The following EFCAB13 variants were observed in gnomAD, a reference collection of about 807,000 sequenced individuals.
EFCAB13 encodes the protein EF-hand calcium-binding domain-containing protein 13.
Under a neutral mutation model 110.2 loss-of-function variants are expected in EFCAB13, and 91 were observed. The ratio of observed to expected loss-of-function variants is 0.83; its 90% CI spans 0.70 to 0.98. The LOEUF is 0.98. Among genes scored for constraint, EFCAB13 ranks in the 50% least tolerant of loss-of-function variants. The pLI is 0.00. For missense variants in EFCAB13, 968 were observed against 1,119.4 expected (o/e 0.86, Z 1.93); for synonymous variants, 323 against 369.9 (o/e 0.87, Z 1.45).
At position 47,346,165 on chromosome 17, in the gene EFCAB13, G is replaced by A. The variant is rs368415753; in HGVS notation, c.517+1067G>A. On this transcript the variant is annotated intron_variant, in intron 8 of 24. Transcript: ENST00000331493. ...TTTCTATAGAACTTATTCATCTTGT[G>A]TAACTGAAATTTTATACTCACTGAT... Among the ~76,000 whole-genome samples, 3 of 152,138 alleles carry A rather than the reference G, an allele frequency of 2.0e-5. No individual in the cohort carries two copies. In the South Asian group the frequency reaches 6.2e-4, roughly 32 times the overall value.
At chr17:47,356,910 CT>C (rs1415891480) in intron 9 of EFCAB13, among the ~76,000 whole-genome samples, 2 of 152,166 alleles carry the variant, frequency 1.3e-5, no homozygotes, top group East Asian at 3.9e-4. Flanking sequence ...GCTGCAGCTG[CT>C]GTCGGGGTGA....
intron 22 of EFCAB13, among the ~76,000 whole-genome samples, chr17:47,413,754 A>G (rs1372573645): frequency 6.6e-6 from 1 of 152,106 alleles, no homozygotes; most frequent in African/African-American, 2.4e-5. Flanking sequence ...ACTGTCTTTC[A>G]GAATTGGGAA....
intron 16 of EFCAB13, among the ~76,000 whole-genome samples, chr17:47,395,009 T>C (rs2065729309): frequency 6.6e-6 from 1 of 152,190 alleles, no homozygotes; most frequent in South Asian, 2.1e-4. Context: ...ATATACCTCA[T>C]TGGGACCTTA....
chr17:47,334,905 C>A (rs540315268), intron 4 of EFCAB13, among the ~76,000 whole-genome samples: 2 of 152,162 alleles, frequency 1.3e-5, no homozygotes, highest in Non-Finnish European at 2.9e-5. Context: ...CAAAAAGAGA[C>A]CCTGTCTCAA....
At chr17:47,388,450 G>A (rs1454241265) in intron 14 of EFCAB13, among the ~76,000 whole-genome samples, 3 of 152,156 alleles carry the variant, frequency 2.0e-5, no homozygotes, top group African/African-American at 4.8e-5. Flanking sequence ...TATTACTGGT[G>A]TTAATCTTGG....
At chr17:47,379,329 G>A (rs1598741500) in intron 14 of EFCAB13, 76 bp downstream of exon 14, 1 of 1,214,250 alleles carries the variant, frequency 8.2e-7, no homozygotes, top group Admixed American at 1.7e-5. Flanking sequence ...CAACAGAACT[G>A]GGCTTGCTTT....
Position 47,342,032 on chromosome 17 carries a change from G to T in EFCAB13, c.303G>T (p.Glu101Asp), listed in dbSNP as rs879038128. 6.5e-7 allele frequency: 1 copy of T among 1,529,252 alleles called. No homozygotes were observed. Among genetic ancestry groups the T allele is most frequent in the Non-Finnish European group, 8.9e-7 (1 of 1,128,172 alleles). 94.7% of individuals were successfully genotyped at this position (1,529,252 alleles called of 1,614,324 possible). ...TACAACAGCACAGTAAAAGAACTGAGGTAAATAAAGATTTGGAAATTTTTC... is the reference window on the plus strand; with the variant it reads ...TACAACAGCACAGTAAAAGAACTGATGTAAATAAAGATTTGGAAATTTTTC... ...LQVQQHSKRT[E>D]IIPPFLKLSK... The change falls in exon 6 of 25, where the codon GAG becomes GAT. Residue 101 changes from glutamate to aspartate, a missense_variant and splice_region_variant. Transcript: ENST00000331493.
intron 22 of EFCAB13, among the ~76,000 whole-genome samples, chr17:47,414,384 A>G (rs1411259213): frequency 6.6e-6 from 1 of 152,080 alleles, no homozygotes; most frequent in Non-Finnish European, 1.5e-5. Context: ...TGACCTGGAC[A>G]AGTTATTTAA....
At chr17:47,411,912 C>G (rs1011802260) in intron 21 of EFCAB13, among the ~76,000 whole-genome samples, 2 of 151,952 alleles carry the variant, frequency 1.3e-5, no homozygotes, top group African/African-American at 2.4e-5. Flanking sequence ...GCCAACATGG[C>G]GAAACCCCGT....
At chr17:47,349,069 A>C in intron 9 of EFCAB13, among the ~76,000 whole-genome samples, 1 of 152,224 alleles carries the variant, frequency 6.6e-6, no homozygotes, top group East Asian at 1.9e-4. Context: ...AAGAAAGGAG[A>C]ACCCACTCTC....
At chr17:47,423,583 G>T (rs898756245) in intron 23 of EFCAB13, 2 of 330,754 alleles carry the variant, frequency 6.0e-6, no homozygotes, top group Non-Finnish European at 1.1e-5. Context: ...CTTTGTGCCC[G>T]GTCCTGGGAA....
At chr17:47,427,687 TTTAA>T (rs1160046597) in intron 23 of EFCAB13, among the ~76,000 whole-genome samples, 2 of 152,082 alleles carry the variant, frequency 1.3e-5, no homozygotes, top group Non-Finnish European at 2.9e-5. Context: ...GTAGTCAGTG[TTTAA>T]TTAGTAGTAT....
chr17:47,375,773 T>C (rs140244161), intron 12 of EFCAB13, among the ~76,000 whole-genome samples: 2 of 152,222 alleles, frequency 1.3e-5, no homozygotes, highest in East Asian at 3.8e-4. Context: ...GAAACGTTTA[T>C]TTTGTAATTT....
At chr17:47,425,891 C>T (rs1912487) in intron 23 of EFCAB13, among the ~76,000 whole-genome samples, 78,610 of 151,944 alleles carry the variant, frequency 0.52, 20,823 homozygotes, top group Middle Eastern at 0.56. Flanking sequence ...AATTTTGAAT[C>T]TAGAAGATGA....
At chr17:47,417,610 C>T (rs1904493787) in intron 23 of EFCAB13, among the ~76,000 whole-genome samples, 1 of 152,208 alleles carries the variant, frequency 6.6e-6, no homozygotes, top group Non-Finnish European at 1.5e-5. Context: ...TCAGTTAATT[C>T]CTCTGGTGTG....
chr17:47,405,096 A>G (rs181712832), intron 20 of EFCAB13, among the ~76,000 whole-genome samples: 1 of 152,294 alleles, frequency 6.6e-6, no homozygotes, highest in African/African-American at 2.4e-5. Context: ...ATATGACAGT[A>G]TATCTTAGAT....
intron 16 of EFCAB13, among the ~76,000 whole-genome samples, chr17:47,394,761 T>G (rs1259017905): frequency 1.3e-5 from 2 of 152,206 alleles, no homozygotes; most frequent in African/African-American, 4.8e-5. Context: ...AGATTTAATT[T>G]GTCTCCTATA....
At chr17:47,423,791 C>T (rs1904820316) in intron 23 of EFCAB13, among the ~76,000 whole-genome samples, 1 of 152,000 alleles carries the variant, frequency 6.6e-6, no homozygotes, top group Non-Finnish European at 1.5e-5. Flanking sequence ...CAGCGGCGGC[C>T]TCCTGCACCT....
At chr17:47,422,809 A>G (rs1598763787) in intron 23 of EFCAB13, among the ~76,000 whole-genome samples, 1 of 152,194 alleles carries the variant, frequency 6.6e-6, no homozygotes, top group Non-Finnish European at 1.5e-5. Context: ...AGTTCTCACC[A>G]ATTTGAGCTA....
Sources: allele counts gnomAD v4.1 joint callset (sites outside exome capture counted in the v4.1 genomes callset), GRCh38; gene constraint gnomAD v4.1.1; transcripts MANE v1.5; gene names NCBI Gene and HGNC (gene_info 2026-07-23, HGNC 2026-07-21).